The following CRYBG1 variants were observed in gnomAD, a reference collection of about 807,000 sequenced individuals.
CRYBG1 encodes the protein beta/gamma crystallin domain-containing protein 1.
Under a neutral mutation model 189.2 loss-of-function variants are expected in CRYBG1, and 139 were observed. That is an observed-to-expected ratio of 0.73 (90% CI 0.64 to 0.85). The LOEUF is 0.85. Among genes scored for constraint, CRYBG1 ranks in the 40% least tolerant of loss-of-function variants. The pLI is 0.00. For missense variants in CRYBG1, 2,611 were observed against 2,675.8 expected (o/e 0.98, Z 0.53); for synonymous variants, 1,023 against 1,017.1 (o/e 1.01, Z -0.11).
chr6:106,544,346 A>T (rs1774210961), intron 11 of CRYBG1, among the ~76,000 whole-genome samples: 1 of 151,842 alleles, frequency 6.6e-6, no homozygotes. Flanking sequence ...ACTCACACAC[A>T]CGCTCCCCTT....
chr6:106,384,535 C>A lies in CRYBG1; in HGVS notation c.173+23454C>A, dbSNP rs745495863. ...ATGGGAGAGAGTGACACTCGAATTG[C>A]GTTGTTTATGTCCAGTCTACTCCGT... On this transcript the variant is annotated intron_variant, in intron 1 of 21. Coordinates refer to ENST00000633556, the MANE Select transcript of CRYBG1 (RefSeq NM_001371242.2). Among the ~76,000 whole-genome samples the A allele has an allele frequency of 3.8e-4, 57 of 151,918 alleles. 1 individual carries two copies. Among genetic ancestry groups the A allele is most frequent in the South Asian group, 2.1e-4 (1 of 4,808 alleles).
chr6:106,485,961 T>A (rs539926168), intron 2 of CRYBG1, among the ~76,000 whole-genome samples: 13 of 152,356 alleles, frequency 8.5e-5, no homozygotes, highest in East Asian at 7.7e-4. Context: ...GGTTTTTGAA[T>A]CAGGGTAATG....
chr6:106,399,780 C>T (rs956244347), intron 1 of CRYBG1, among the ~76,000 whole-genome samples: 3 of 151,716 alleles, frequency 2.0e-5, no homozygotes, highest in African/African-American at 7.3e-5. Context: ...CCTCAGCCTC[C>T]CGAGTAGATG....
intron 2 of CRYBG1, among the ~76,000 whole-genome samples, chr6:106,474,727 T>C (rs1772301038): frequency 6.6e-6 from 1 of 152,114 alleles, no homozygotes; most frequent in South Asian, 2.1e-4. Flanking sequence ...CAAGCTGAGT[T>C]GTCCATGGGC....
chr6:106,494,824 A>G (rs1306712524), intron 2 of CRYBG1, among the ~76,000 whole-genome samples: 2 of 152,178 alleles, frequency 1.3e-5, no homozygotes, highest in African/African-American at 2.4e-5. Context: ...TTTGTAGTGT[A>G]TAATGTATAT....
intron 10 of CRYBG1, among the ~76,000 whole-genome samples, chr6:106,542,387 A>G (rs1774153807): frequency 6.7e-6 from 1 of 149,398 alleles, no homozygotes; most frequent in African/African-American, 2.5e-5. Context: ...AGCTCAAGCC[A>G]TCCTCTTGCC....
chr6:106,401,387 ATTCT>A (rs1424859221), intron 1 of CRYBG1, among the ~76,000 whole-genome samples: 4 of 108,204 alleles, frequency 3.7e-5, no homozygotes, highest in Non-Finnish European at 7.4e-5. Flanking sequence ...TTGCTGAATG[ATTCT>A]TTTTTTTTTT....
chr6:106,522,789 A>T (rs1333328217), intron 4 of CRYBG1, among the ~76,000 whole-genome samples: 1 of 152,158 alleles, frequency 6.6e-6, no homozygotes, highest in Admixed American at 6.5e-5. Flanking sequence ...TTTTACTACA[A>T]TCCTGTCAGA....
intron 2 of CRYBG1, among the ~76,000 whole-genome samples, chr6:106,468,363 C>T (rs551320957): frequency 3.0e-4 from 45 of 152,278 alleles, no homozygotes; most frequent in Admixed American, 7.8e-4. Context: ...TAAGATGGGA[C>T]AAACTAGGCA....
chr6:106,371,476 A>G (rs1010294052), intron 1 of CRYBG1, among the ~76,000 whole-genome samples: 1 of 152,184 alleles, frequency 6.6e-6, no homozygotes, highest in Non-Finnish European at 1.5e-5. Flanking sequence ...CTTCCCCACC[A>G]TTTAGCTCCC....
intron 4 of CRYBG1, 27 bp downstream of exon 4, chr6:106,521,480 T>C (rs780731550): frequency 2.0e-6 from 3 of 1,529,748 alleles, no homozygotes; most frequent in Non-Finnish European, 2.6e-6. Flanking sequence ...TATTATTTAT[T>C]TGGGGTATTT....
chr6:106,545,781 C>T (rs1212473199), intron 13 of CRYBG1, among the ~76,000 whole-genome samples: 4 of 152,132 alleles, frequency 2.6e-5, no homozygotes, highest in Non-Finnish European at 5.9e-5. Flanking sequence ...TGGGCTTAAG[C>T]GATCCTCCTG....
intron 1 of CRYBG1, among the ~76,000 whole-genome samples, chr6:106,443,708 AT>A (rs5878890): frequency 6.6e-6 from 1 of 151,198 alleles, no homozygotes; most frequent in African/African-American, 2.4e-5. Flanking sequence ...TAACCACATA[AT>A]TTTTTTTTCA....
intron 2 of CRYBG1, among the ~76,000 whole-genome samples, chr6:106,480,152 T>C (rs1772412942): frequency 6.6e-6 from 1 of 152,224 alleles, no homozygotes; most frequent in Non-Finnish European, 1.5e-5. Flanking sequence ...AGTGACATGA[T>C]GCCAGGGGAG....
chr6:106,396,976 A>T (rs541493085), intron 1 of CRYBG1, among the ~76,000 whole-genome samples: 1 of 152,240 alleles, frequency 6.6e-6, no homozygotes, highest in Non-Finnish European at 1.5e-5. Flanking sequence ...CACCATGCCC[A>T]GCCAATACAT....
intron 1 of CRYBG1, among the ~76,000 whole-genome samples, chr6:106,395,881 T>TCTAGGCAAATGACAAGCC (rs139039358): frequency 0.08 from 12,168 of 152,096 alleles, 628 homozygotes; most frequent in East Asian, 0.15. Flanking sequence ...TACCCTGAGC[T>TCTAGGCAAATGACAAGCC]CTAGGCAAAT....
intron 2 of CRYBG1, among the ~76,000 whole-genome samples, chr6:106,478,154 C>T (rs550341010): frequency 1.4e-4 from 21 of 152,338 alleles, no homozygotes; most frequent in Admixed American, 9.8e-4. Flanking sequence ...GATAATCCCT[C>T]GTATCCTTCA....
At chr6:106,472,349 T>C (rs1278418239) in intron 2 of CRYBG1, among the ~76,000 whole-genome samples, 2 of 152,166 alleles carry the variant, frequency 1.3e-5, no homozygotes, top group African/African-American at 4.8e-5. Flanking sequence ...GTCTAGAACC[T>C]TGGGAAATGA....
chr6:106,400,136 C>CAAAA (rs11286627), intron 1 of CRYBG1, among the ~76,000 whole-genome samples: 6 of 76,342 alleles, frequency 7.9e-5, no homozygotes, highest in African/African-American at 1.4e-4. Flanking sequence ...GACTCCATCT[C>CAAAA]AAAAAAAAAA....
Sources: allele counts gnomAD v4.1 joint callset (sites outside exome capture counted in the v4.1 genomes callset), GRCh38; gene constraint gnomAD v4.1.1; transcripts MANE v1.5; gene names NCBI Gene and HGNC (gene_info 2026-07-23, HGNC 2026-07-21).